The following MELK variants were observed in gnomAD, a reference collection of about 807,000 sequenced individuals.
MELK encodes the protein maternal embryonic leucine zipper kinase.
MELK carries 81 observed loss-of-function variants against 85.0 expected under a neutral mutation model. The observed-to-expected ratio is 0.95, with a 90% CI of 0.80 to 1.15. The LOEUF is 1.15. MELK is among the 50% of genes most tolerant of loss of function. MELK has a pLI of 0.00. For synonymous variants in MELK, 252 were observed against 265.0 expected (o/e 0.95, Z 0.48); for missense variants, 754 against 777.5 (o/e 0.97, Z 0.36).
At chr9:36,650,227 G>A (rs1052926819) in intron 11 of MELK, among the ~76,000 whole-genome samples, 1 of 151,104 alleles carries the variant, frequency 6.6e-6, no homozygotes. Context: ...ACAGGGGTGA[G>A]CCACCGCACC....
intron 14 of MELK, among the ~76,000 whole-genome samples, chr9:36,666,853 T>TTGTG (rs5897643): frequency 0.021 from 2,764 of 130,718 alleles, 53 homozygotes; most frequent in Middle Eastern, 0.038. Flanking sequence ...ATGTCTGTGT[T>TTGTG]TGTGTGTGTG....
intron 10 of MELK, among the ~76,000 whole-genome samples, chr9:36,642,419 T>A (rs1301271995): frequency 1.4e-5 from 1 of 73,802 alleles, no homozygotes; most frequent in African/African-American, 1.3e-4. Flanking sequence ...ACAACAGAAC[T>A]TTTTTTTTTT....
intron 2 of MELK, among the ~76,000 whole-genome samples, chr9:36,582,896 G>A (rs12379201): frequency 0.23 from 34,617 of 151,990 alleles, 6,364 homozygotes; most frequent in African/African-American, 0.51. Context: ...GTTAATTTGG[G>A]GATTTCTTTT....
intron 8 of MELK, among the ~76,000 whole-genome samples, chr9:36,615,191 C>T (rs1289980092): frequency 4.3e-5 from 6 of 139,212 alleles, no homozygotes; most frequent in Non-Finnish European, 7.9e-5. Context: ...GCTGGCCGGG[C>T]GGGGGGCTGA....
chr9:36,593,994 G>T (rs550158340), intron 4 of MELK, among the ~76,000 whole-genome samples: 1 of 152,270 alleles, frequency 6.6e-6, no homozygotes, highest in East Asian at 1.9e-4. Context: ...TTTGATATGA[G>T]TGAGTACATC....
chr9:36,584,294 C>G (rs1163979517), intron 3 of MELK, among the ~76,000 whole-genome samples: 3 of 147,998 alleles, frequency 2.0e-5, no homozygotes, highest in Non-Finnish European at 4.5e-5. Context: ...CGTGAGCCAC[C>G]GCGCCCGGCC....
intron 1 of MELK, among the ~76,000 whole-genome samples, chr9:36,580,661 C>A (rs142648257): frequency 6.6e-6 from 1 of 151,668 alleles, no homozygotes; most frequent in African/African-American, 2.4e-5. Flanking sequence ...AGGTAGCCTC[C>A]CGAGCCAGAG....
At chr9:36,647,353 T>A (rs113088922) in intron 11 of MELK, among the ~76,000 whole-genome samples, 37 of 152,282 alleles carry the variant, frequency 2.4e-4, no homozygotes, top group Non-Finnish European at 4.9e-4. Context: ...CATGGGGCTA[T>A]CATAGATGTG....
At chr9:36,593,025 GATGTA>G (rs1445851589) in intron 4 of MELK, among the ~76,000 whole-genome samples, 84 of 152,244 alleles carry the variant, frequency 5.5e-4, no homozygotes, top group Admixed American at 1.8e-3. Context: ...TCTAGACTAT[GATGTA>G]AATGACTCAT....
At chr9:36,602,420 G>T (rs1825019124) in intron 7 of MELK, among the ~76,000 whole-genome samples, 2 of 144,408 alleles carry the variant, frequency 1.4e-5, no homozygotes, top group South Asian at 4.3e-4. Flanking sequence ...AACCTGGGAG[G>T]CAGAGGTTGT....
intron 11 of MELK, among the ~76,000 whole-genome samples, chr9:36,645,634 AC>A (rs921964903): frequency 1.3e-5 from 2 of 152,194 alleles, no homozygotes; most frequent in Non-Finnish European, 2.9e-5. Context: ...AGAGATTCTC[AC>A]CTTGGCTGTA....
intron 16 of MELK, among the ~76,000 whole-genome samples, chr9:36,671,607 G>A (rs1832894225): frequency 6.6e-6 from 1 of 152,246 alleles, no homozygotes; most frequent in African/African-American, 2.4e-5. Flanking sequence ...TGAGTGACAA[G>A]CGGGGAAGGT....
chr9:36,671,283 T>A, intron 16 of MELK, 117 bp downstream of exon 16: 2 of 1,153,712 alleles, frequency 1.7e-6, no homozygotes, highest in Non-Finnish European at 2.3e-6. Flanking sequence ...TTTATTCACT[T>A]AGTTAATATA....
chr9:36,628,867 T>G (rs1012814775), intron 8 of MELK, among the ~76,000 whole-genome samples: 5 of 148,582 alleles, frequency 3.4e-5, no homozygotes, highest in Middle Eastern at 6.9e-3. Context: ...TATTTTCTTT[T>G]TTTTTTTTTT....
intron 11 of MELK, among the ~76,000 whole-genome samples, chr9:36,649,620 T>C (rs924291018): frequency 1.7e-4 from 26 of 151,032 alleles, no homozygotes; most frequent in African/African-American, 5.1e-4. Flanking sequence ...AATACAAAAA[T>C]TAGCCAGGCG....
At chr9:36,577,452 G>T (rs1223971715) in intron 1 of MELK, among the ~76,000 whole-genome samples, 1 of 152,050 alleles carries the variant, frequency 6.6e-6, no homozygotes, top group African/African-American at 2.4e-5. Flanking sequence ...GGAGGCGCAG[G>T]TTGCAGTGAG....
intron 12 of MELK, among the ~76,000 whole-genome samples, chr9:36,652,729 CAAAAAAAAAAA>C (rs745699767): frequency 1.1e-5 from 1 of 95,052 alleles, no homozygotes; most frequent in South Asian, 3.6e-4. Context: ...GACTCTGTCT[CAAAAAAAAAAA>C]AAAAAAAAAG....
chr9:36,581,820 T>G, intron 2 of MELK, 81 bp downstream of exon 2: 2 of 1,133,840 alleles, frequency 1.8e-6, no homozygotes, highest in Non-Finnish European at 2.6e-6. Flanking sequence ...GTGAGCTTTT[T>G]CGTCTAACCC....
chr9:36,653,426 A>G (rs1331374050), intron 12 of MELK, among the ~76,000 whole-genome samples: 1 of 152,176 alleles, frequency 6.6e-6, no homozygotes, highest in Non-Finnish European at 1.5e-5. Flanking sequence ...GATTATTGGC[A>G]TGAGTGACTG....
Sources: allele counts gnomAD v4.1 joint callset (sites outside exome capture counted in the v4.1 genomes callset), GRCh38; gene constraint gnomAD v4.1.1; transcripts MANE v1.5; gene names NCBI Gene and HGNC (gene_info 2026-07-23, HGNC 2026-07-21).